The following SGCD variants were observed in gnomAD, a reference collection of about 807,000 sequenced individuals.
The protein encoded by SGCD is sarcoglycan delta.
In SGCD, 18 loss-of-function variants were observed where a neutral mutation model predicts 36.6. The ratio of observed to expected loss-of-function variants is 0.49; its 90% CI spans 0.34 to 0.73. The LOEUF (loss-of-function observed/expected upper bound fraction) is 0.73. Among genes scored for constraint, SGCD ranks in the 30% least tolerant of loss-of-function variants. The pLI, the probability that SGCD is intolerant of heterozygous loss-of-function variation, is 0.01. For missense variants in SGCD, 387 were observed against 346.7 expected, an observed-to-expected ratio of 1.12 and a Z score of -0.92; for synonymous variants, 133 against 130.6, an observed-to-expected ratio of 1.02 and a Z score of -0.12.
At chr5:156,396,368 T>C (rs1436251654) in intron 3 of SGCD, among the ~76,000 whole-genome samples, 1 of 152,224 alleles carries the variant, frequency 6.6e-6, no homozygotes, top group Admixed American at 6.5e-5. Flanking sequence ...AGTGGAGTGA[T>C]GAGAAAACTG....
At chr5:155,743,550 C>T in the SGCD span, among the ~76,000 whole-genome samples, 5 of 152,286 alleles carry the variant, frequency 3.3e-5, no homozygotes, top group Admixed American at 2.6e-4. Context: ...CTGATTGCAT[C>T]ACCTGAAATC....
intron 4 of SGCD, among the ~76,000 whole-genome samples, chr5:156,589,014 G>A (rs191775239): frequency 3.9e-4 from 60 of 152,068 alleles, no homozygotes; most frequent in Admixed American, 2.8e-3. Context: ...GTGTGTGTGT[G>A]TGTGTGTGTG....
At chr5:156,612,963 T>C (rs1275296693) in intron 6 of SGCD, among the ~76,000 whole-genome samples, 1 of 152,140 alleles carries the variant, frequency 6.6e-6, no homozygotes, top group African/African-American at 2.4e-5. Context: ...GTAGCAGTAA[T>C]AAGGACTACT....
At chr5:155,860,152 G>A in the SGCD span, among the ~76,000 whole-genome samples, 8 of 152,326 alleles carry the variant, frequency 5.3e-5, no homozygotes, top group South Asian at 6.2e-4. Context: ...GGGCAAAACC[G>A]TTGTTTTTCT....
intron 3 of SGCD, among the ~76,000 whole-genome samples, chr5:156,452,600 C>T (rs547336621): frequency 1.3e-5 from 2 of 152,254 alleles, no homozygotes; most frequent in Admixed American, 1.3e-4. Context: ...TTTTAGAATA[C>T]ACCTAATAGA....
chr5:156,336,437 G>C (rs540370903), intron 2 of SGCD, among the ~76,000 whole-genome samples: 4 of 152,108 alleles, frequency 2.6e-5, no homozygotes, highest in Non-Finnish European at 5.9e-5. Flanking sequence ...CATTATGATA[G>C]GTAACAAAAA....
chr5:156,671,968 C>T (rs1169817832), intron 7 of SGCD, among the ~76,000 whole-genome samples: 8 of 152,094 alleles, frequency 5.3e-5, no homozygotes, highest in African/African-American at 1.9e-4. Context: ...GTGAGAACTC[C>T]ACTGTGAAGG....
intron 7 of SGCD, among the ~76,000 whole-genome samples, chr5:156,698,519 G>A (rs1371621124): frequency 6.6e-6 from 1 of 152,188 alleles, no homozygotes; most frequent in Non-Finnish European, 1.5e-5. Context: ...TGCTGCTAAT[G>A]CAGAACAGGA....
intron 7 of SGCD, among the ~76,000 whole-genome samples, chr5:156,723,247 C>T (rs571058952): frequency 6.6e-6 from 1 of 152,262 alleles, no homozygotes; most frequent in African/African-American, 2.4e-5. Flanking sequence ...ACCCTGCATC[C>T]CACTGAACTG....
the SGCD span, among the ~76,000 whole-genome samples, chr5:155,864,475 T>A: frequency 6.6e-6 from 1 of 151,954 alleles, no homozygotes; most frequent in African/African-American, 2.4e-5. Flanking sequence ...AGGCAAGAGA[T>A]GGTATTGGCC....
chr5:156,357,036 T>G (rs1769527464), intron 3 of SGCD, among the ~76,000 whole-genome samples: 1 of 152,072 alleles, frequency 6.6e-6, no homozygotes, highest in Non-Finnish European at 1.5e-5. Context: ...AAGCTGAGAG[T>G]TTTGTGATAA....
chr5:156,011,060 T>A (rs1170972688), intron 1 of SGCD, among the ~76,000 whole-genome samples: 1 of 152,174 alleles, frequency 6.6e-6, no homozygotes, highest in African/African-American at 2.4e-5. Flanking sequence ...TTATGCATGT[T>A]TACCATTGTG....
chr5:155,966,957 G>A (rs574057441), intron 1 of SGCD, among the ~76,000 whole-genome samples: 2 of 149,684 alleles, frequency 1.3e-5, no homozygotes, highest in African/African-American at 5.0e-5. Context: ...GTGTGTGTGT[G>A]TATGTGTGTG....
intron 4 of SGCD, among the ~76,000 whole-genome samples, chr5:156,567,056 C>T (rs1199362625): frequency 6.6e-6 from 1 of 152,082 alleles, no homozygotes; most frequent in Non-Finnish European, 1.5e-5. Context: ...ACAAATGATC[C>T]TATACTTCAG....
At chr5:155,754,665 C>T in the SGCD span, among the ~76,000 whole-genome samples, 1 of 152,150 alleles carries the variant, frequency 6.6e-6, no homozygotes, top group Non-Finnish European at 1.5e-5. Flanking sequence ...TTTTAAACCA[C>T]CTAAGAGTGT....
rs1455046707 is a variant in SGCD at position 156,056,653 on chromosome 5, A to AC, written c.-281-61225_-281-61224insC. On this transcript the variant is annotated intron_variant, in intron 1 of 9. Coordinates refer to the SGCD transcript ENST00000517913. Reference sequence around the variant, plus strand: ...ACCTGCCAAATTATCCTTAAAAAAAAAAAAAAAAAAAACAGTCTCCAAATT... The same window carrying AC: ...ACCTGCCAAATTATCCTTAAAAAAAACAAAAAAAAAAAACAGTCTCCAAATT... Among the ~76,000 whole-genome samples, 354 of 136,476 alleles carry AC rather than the reference A, an allele frequency of 2.6e-3. 24 individuals are homozygous for AC. Among genetic ancestry groups the AC allele is most frequent in the African/African-American group, 9.8e-3 (335 of 34,250 alleles). The allele number at this position is 136,476 out of a possible 152,430, so 89.5% of individuals were successfully genotyped here. A position where few individuals can be genotyped will look rare whatever the true frequency, so the allele number is the denominator to read the frequency against.
At chr5:155,794,491 A>G in the SGCD span, among the ~76,000 whole-genome samples, 4 of 152,108 alleles carry the variant, frequency 2.6e-5, no homozygotes, top group Non-Finnish European at 5.9e-5. Context: ...TAAAATCTAT[A>G]AAAGAATCAA....
At chr5:156,025,900 G>C (rs908035686) in intron 1 of SGCD, among the ~76,000 whole-genome samples, 1 of 152,126 alleles carries the variant, frequency 6.6e-6, no homozygotes, top group African/African-American at 2.4e-5. Context: ...CATTCCATTG[G>C]CCCTTTATTT....
intron 7 of SGCD, among the ~76,000 whole-genome samples, chr5:156,689,035 G>T (rs1369182818): frequency 1.3e-5 from 2 of 152,188 alleles, no homozygotes; most frequent in African/African-American, 4.8e-5. Context: ...TACTATCCTA[G>T]ATTGGATCCT....
Sources: allele counts gnomAD v4.1 joint callset (sites outside exome capture counted in the v4.1 genomes callset), GRCh38; gene constraint gnomAD v4.1.1; transcripts MANE v1.5; gene names NCBI Gene and HGNC (gene_info 2026-07-23, HGNC 2026-07-21).